The following FEZ2 variants were observed in gnomAD, a reference collection of about 807,000 sequenced individuals.
The protein encoded by FEZ2 is fasciculation and elongation protein zeta-2.
Under a neutral mutation model 40.4 loss-of-function variants are expected in FEZ2, and 51 were observed. The observed-to-expected ratio is 1.26, with a 90% CI of 1.01 to 1.59. The LOEUF (loss-of-function observed/expected upper bound fraction) is 1.59. Ranked by LOEUF, FEZ2 falls within the 40% of genes most tolerant of loss-of-function variation. The pLI is 0.00. For synonymous variants in FEZ2, 242 were observed against 172.0 expected (o/e 1.41, Z -3.18); for missense variants, 640 against 438.3 (o/e 1.46, Z -4.11).
At chr2:36,554,783 T>C (rs1054007347) in intron 7 of FEZ2, among the ~76,000 whole-genome samples, 1 of 152,108 alleles carries the variant, frequency 6.6e-6, no homozygotes, top group Non-Finnish European at 1.5e-5. Context: ...GACACTATGG[T>C]TTAAGAAAAG....
intron 1 of FEZ2, 98 bp from the exon 2 acceptor site, chr2:36,591,109 A>AAC: frequency 1.4e-6 from 1 of 725,748 alleles, no homozygotes; most frequent in Admixed American, 2.4e-5. Context: ...TGTCAAAGGA[A>AAC]ACAGAGAAAA....
intron 1 of FEZ2, 115 bp downstream of exon 1, chr2:36,597,762 A>G: frequency 1.4e-6 from 1 of 739,624 alleles, no homozygotes; most frequent in Admixed American, 4.3e-5. Flanking sequence ...GAGGGCGGGG[A>G]CTCCCGCGTC....
At chr2:36,559,373 T>TA (rs1317041833) in intron 5 of FEZ2, 1 of 152,238 alleles carries the variant, frequency 6.6e-6, no homozygotes, top group Non-Finnish European at 1.5e-5. Flanking sequence ...CAGTGGTTTT[T>TA]ACCTGGAATC....
intron 3 of FEZ2, among the ~76,000 whole-genome samples, chr2:36,582,176 T>C (rs1668768853): frequency 6.6e-6 from 1 of 151,188 alleles, no homozygotes; most frequent in African/African-American, 2.4e-5. Flanking sequence ...AGCGAAAATG[T>C]AAAGGAAACC....
At chr2:36,570,677 T>C (rs1324180390) in intron 5 of FEZ2, among the ~76,000 whole-genome samples, 1 of 152,242 alleles carries the variant, frequency 6.6e-6, no homozygotes, top group African/African-American at 2.4e-5. Context: ...TTAGGCTACA[T>C]GGTATAGTCT....
chr2:36,563,614 C>G (rs1447158726), intron 5 of FEZ2, among the ~76,000 whole-genome samples: 2 of 152,126 alleles, frequency 1.3e-5, no homozygotes, highest in African/African-American at 2.4e-5. Context: ...AGAAGTCAGG[C>G]AGCATCAATA....
At position 36,553,190 on chromosome 2, in the gene FEZ2, A is replaced by G. The variant is rs1553340239; in HGVS notation, c.1046-11T>C. On this transcript the variant is annotated splice_polypyrimidine_tract_variant and intron_variant, in intron 7 of 7. Transcript: ENST00000405912. ...ATGTAGGACACAGAACTAGAAGAAA[A>G]AGAGAACTTTTAGCTACAAATGTAT... 2.3e-5 allele frequency: 35 copies of G among 1,550,024 alleles called. No individual in the cohort carries two copies. Among genetic ancestry groups the G allele is most frequent in the Non-Finnish European group, 3.1e-5 (35 of 1,142,522 alleles).
chr2:36,591,868 G>C (rs948013940), intron 1 of FEZ2, among the ~76,000 whole-genome samples: 4 of 152,140 alleles, frequency 2.6e-5, no homozygotes, highest in African/African-American at 9.7e-5. Flanking sequence ...ACCTGGACAA[G>C]AAGCAGATAC....
chr2:36,570,369 TTAAA>T (rs1189576925), intron 5 of FEZ2, among the ~76,000 whole-genome samples: 8 of 152,180 alleles, frequency 5.3e-5, no homozygotes, highest in African/African-American at 1.7e-4. Context: ...AAAATTAGCA[TTAAA>T]TAATTTAATT....
At chr2:36,563,709 T>A (rs1477373687) in intron 5 of FEZ2, among the ~76,000 whole-genome samples, 2 of 152,092 alleles carry the variant, frequency 1.3e-5, no homozygotes, top group Admixed American at 6.5e-5. Context: ...CCTCAACCTC[T>A]TTCCTTTCCC....
chr2:36,585,288 T>C (rs1313024532), intron 2 of FEZ2, among the ~76,000 whole-genome samples: 12 of 152,070 alleles, frequency 7.9e-5, no homozygotes, highest in Admixed American at 7.9e-4. Flanking sequence ...GACATACAAG[T>C]TCTGAAAAAA....
chr2:36,583,325 C>T, intron 3 of FEZ2, 28 bp downstream of exon 3: 1 of 1,196,274 alleles, frequency 8.4e-7, no homozygotes, highest in Non-Finnish European at 1.2e-6. Context: ...GTCTCCTTTC[C>T]TTGCGTTGCT....
chr2:36,559,739 G>A (rs1668045229), intron 5 of FEZ2, among the ~76,000 whole-genome samples: 1 of 152,202 alleles, frequency 6.6e-6, no homozygotes. Context: ...ACCCTGGCCC[G>A]CTCTCTGGCT....
In FEZ2 at chr2:36,596,078, TTC is replaced by T. The variant is rs530881204; in HGVS notation, c.266+1797_266+1798del. On this transcript the variant is annotated intron_variant, in intron 1 of 7. Coordinates refer to ENST00000405912, the MANE Select transcript of FEZ2 (RefSeq NM_005102.3). ...AAATCTACATATACATAAAATTATC[TTC>T]TCTTTGGGAACAGGCTTCCAAAAAT... Among the ~76,000 whole-genome samples the T allele has an allele frequency of 1.2e-4, 19 of 152,342 alleles. No homozygotes were observed. The East Asian group carries it at 3.5e-3, about 28-fold the overall frequency.
At chr2:36,563,851 C>G (rs772756976) in intron 5 of FEZ2, among the ~76,000 whole-genome samples, 2 of 152,210 alleles carry the variant, frequency 1.3e-5, no homozygotes, top group African/African-American at 2.4e-5. Context: ...AGACACCACA[C>G]TCTCCCAGAT....
chr2:36,587,157 G>C (rs1258449053), intron 2 of FEZ2, among the ~76,000 whole-genome samples: 1 of 152,122 alleles, frequency 6.6e-6, no homozygotes, highest in Non-Finnish European at 1.5e-5. Flanking sequence ...ATTTAGAATA[G>C]GGTTATGGCC....
In FEZ2 at chr2:36,597,692, G is replaced by T. The variant is rs542347898; in HGVS notation, c.266+185C>A. Reference sequence around the variant, plus strand: ...GAGGTTTTCAGGGCTCGTGGCGGCGGGGGGCAGGGGATTTAAATTGCTGGG... The same window carrying T: ...GAGGTTTTCAGGGCTCGTGGCGGCGTGGGGCAGGGGATTTAAATTGCTGGG... On this transcript the variant is annotated intron_variant, in intron 1 of 7. Transcript: ENST00000405912. Among the ~76,000 whole-genome samples, 5 of 152,220 alleles carry T rather than the reference G, an allele frequency of 3.3e-5. No individual in the cohort carries two copies. The East Asian group carries it at 9.6e-4, about 29-fold the overall frequency.
intron 7 of FEZ2, among the ~76,000 whole-genome samples, chr2:36,554,799 C>G (rs553746943): frequency 7.2e-5 from 11 of 152,116 alleles, no homozygotes; most frequent in Non-Finnish European, 1.6e-4. Context: ...AAAAGACCAT[C>G]AGAGGTTTCT....
At position 36,598,138 on chromosome 2, in the gene FEZ2, G is replaced by C; in HGVS notation, c.5C>G (p.Ala2Gly). The C allele has an allele frequency of 2.7e-6, 4 of 1,473,354 alleles. No homozygotes were observed. The highest frequency in any genetic ancestry group is 3.0e-5 in the East Asian group (1 of 33,284). The allele number at this position is 1,473,354 out of a possible 1,614,324, so 91.3% of individuals were successfully genotyped here. A position where few individuals can be genotyped will look rare whatever the true frequency, so the allele number is the denominator to read the frequency against. ...GAAATCCTGCCAGTCCCCGTCCGCC[G>C]CCATCGCCGCCCGGAGCAGTCGCGC... M[A>G]ADGDWQDFYE... The change falls in exon 1 of 8, where the codon GCG (alanine) becomes GGG (glycine). Residue 2 changes from alanine to glycine, a missense_variant. Physicochemically the swap from Ala to Gly is moderately conservative, Grantham distance 60. Coordinates refer to ENST00000405912, the MANE Select transcript of FEZ2 (RefSeq NM_005102.3).
Sources: gnomAD v4.1 joint callset for allele counts (sites outside exome capture counted in the v4.1 genomes callset) on GRCh38, gnomAD v4.1.1 for gene constraint, MANE v1.5 for transcripts, NCBI Gene and HGNC (gene_info 2026-07-23, HGNC 2026-07-21) for gene names.